RARB: variants seen among roughly 807,000 people sequenced by gnomAD.
RARB encodes retinoic acid receptor beta.
RARB carries 17 observed loss-of-function variants against 51.9 expected under a neutral mutation model. That is an observed-to-expected ratio of 0.33 (90% CI 0.22 to 0.49). The LOEUF is 0.49. RARB is among the 20% of genes least tolerant of loss of function. RARB has a pLI of 0.99. For missense variants in RARB, 369 were observed against 550.8 expected (o/e 0.67, Z 3.30); for synonymous variants, 215 against 195.4 (o/e 1.10, Z -0.84).
chr3:25,040,256 A>C (rs887195035), intron 2 of RARB, among the ~76,000 whole-genome samples: 8 of 152,348 alleles, frequency 5.3e-5, no homozygotes, highest in East Asian at 1.9e-4. Context: ...TCAGTTTTGC[A>C]CTTGGCCTTT....
chr3:25,139,437 A>G (rs888312110), intron 4 of RARB, among the ~76,000 whole-genome samples: 2 of 152,218 alleles, frequency 1.3e-5, no homozygotes, highest in African/African-American at 2.4e-5. Context: ...TGGTGTGGAT[A>G]GAAGATCAAA....
intron 2 of RARB, among the ~76,000 whole-genome samples, chr3:24,977,278 T>C (rs748126105): frequency 2.0e-5 from 3 of 152,210 alleles, no homozygotes; most frequent in Admixed American, 6.5e-5. Flanking sequence ...TTTAAAGTAG[T>C]TTTTTCCAAT....
At chr3:25,256,274 A>G (rs913662432) in intron 5 of RARB, among the ~76,000 whole-genome samples, 57 of 152,164 alleles carry the variant, frequency 3.7e-4, no homozygotes, top group African/African-American at 1.4e-3. Flanking sequence ...TTTAATCTCC[A>G]TCAGAGAAAG....
At chr3:25,154,958 A>G (rs1478395541) in intron 4 of RARB, among the ~76,000 whole-genome samples, 1 of 152,214 alleles carries the variant, frequency 6.6e-6, no homozygotes, top group South Asian at 2.1e-4. Context: ...GTATTCCAAC[A>G]TCCAATGTAG....
upstream of RARB, among the ~76,000 whole-genome samples, chr3:25,427,905 C>A (rs1708041804): frequency 6.6e-6 from 1 of 152,054 alleles, no homozygotes; most frequent in Non-Finnish European, 1.5e-5. Context: ...GGCGAGCGGG[C>A]GCAGGCGGAA....
chr3:25,590,508 T>C (rs1245852327), intron 5 of RARB, among the ~76,000 whole-genome samples: 1 of 152,178 alleles, frequency 6.6e-6, no homozygotes, highest in Non-Finnish European at 1.5e-5. Context: ...ATATTGAGCA[T>C]ACTAACTTTG....
Position 25,498,046 on chromosome 3 carries a change from C to T in RARB, c.307-3136C>T, listed in dbSNP as rs561284804. Among the ~76,000 whole-genome samples, 7 of 152,262 alleles carry T rather than the reference C, an allele frequency of 4.6e-5. No homozygotes were observed. In the South Asian group the frequency reaches 1.0e-3, roughly 23 times the overall value. On this transcript the variant is annotated intron_variant, in intron 2 of 7. Transcript: ENST00000330688. ...GCTGGGGCTCCTGGCCTGCAGCAGA[C>T]ACAGTGTCCAGTATGAGTGAAATGA...
At position 25,081,586 on chromosome 3, in the gene RARB, C is replaced by CAT. The variant is rs1161956011; in HGVS notation, c.-328+21445_-328+21446dup. Among the ~76,000 whole-genome samples, 187 of 19,620 alleles carry CAT rather than the reference C, an allele frequency of 9.5e-3. 9 individuals are homozygous for CAT. Among genetic ancestry groups the CAT allele is most frequent in the Middle Eastern group, 0.056 (1 of 18 alleles). 12.9% of individuals were successfully genotyped at this position (19,620 alleles called of 152,430 possible). On this transcript the variant is annotated intron_variant, in intron 3 of 11. Coordinates refer to the RARB transcript ENST00000383772. ...CTTTTGCTAGTGTTTGCTTCATATA[C>CAT]ATATATATATATATATATATATATA...
At chr3:25,526,588 A>G (rs1411613392) in intron 3 of RARB, among the ~76,000 whole-genome samples, 1 of 152,218 alleles carries the variant, frequency 6.6e-6, no homozygotes, top group Admixed American at 6.5e-5. Context: ...ATGGATTTTG[A>G]TAAATAAATT....
intron 3 of RARB, among the ~76,000 whole-genome samples, chr3:25,517,160 G>T (rs1420672126): frequency 1.3e-5 from 2 of 152,078 alleles, no homozygotes; most frequent in Non-Finnish European, 2.9e-5. Context: ...AAACTAATGG[G>T]GTTGGTTATC....
rs116295372 is a variant in RARB at position 24,872,689 on chromosome 3, C to A, written c.-380+13937C>A. Among the ~76,000 whole-genome samples the A allele has an allele frequency of 2.3e-3, 353 of 152,200 alleles. 1 individual carries two copies. The highest frequency in any genetic ancestry group is 8.0e-3 in the African/African-American group (334 of 41,522). Reference sequence around the variant, plus strand: ...CTTCCTCATTACCACAGGGAGGGCACCAAGCCATTCATGAGGGGTCCGCTC... The same window carrying A: ...CTTCCTCATTACCACAGGGAGGGCAACAAGCCATTCATGAGGGGTCCGCTC... On this transcript the variant is annotated intron_variant, in intron 2 of 11. Coordinates refer to the RARB transcript ENST00000383772.
intron 5 of RARB, among the ~76,000 whole-genome samples, chr3:25,276,724 T>C (rs1703390345): frequency 6.6e-6 from 1 of 152,156 alleles, no homozygotes; most frequent in Non-Finnish European, 1.5e-5. Context: ...CAACTTGTAT[T>C]CCATTTGCAA....
chr3:25,374,788 G>T (rs986363837), intron 5 of RARB, among the ~76,000 whole-genome samples: 1 of 152,150 alleles, frequency 6.6e-6, no homozygotes, highest in African/African-American at 2.4e-5. Flanking sequence ...CTTCTTTTCA[G>T]AATGTACAAG....
intron 5 of RARB, among the ~76,000 whole-genome samples, chr3:25,352,005 A>G (rs1575334020): frequency 1.3e-5 from 2 of 152,342 alleles, no homozygotes; most frequent in South Asian, 4.1e-4. Context: ...ATAAGAAACA[A>G]CAGTGTCCTG....
At chr3:25,092,108 T>G (rs1559463226) in intron 3 of RARB, among the ~76,000 whole-genome samples, 2 of 152,156 alleles carry the variant, frequency 1.3e-5, no homozygotes. Flanking sequence ...CAGAAACAAG[T>G]GCTTTTACAG....
At chr3:25,364,950 A>T (rs566558145) in intron 5 of RARB, among the ~76,000 whole-genome samples, 3 of 152,182 alleles carry the variant, frequency 2.0e-5, no homozygotes, top group South Asian at 2.1e-4. Flanking sequence ...GACATATCTC[A>T]GTTGTATCAT....
chr3:24,830,396 T>A (rs1323620790), intron 1 of RARB, among the ~76,000 whole-genome samples: 6 of 135,866 alleles, frequency 4.4e-5, no homozygotes, highest in African/African-American at 8.0e-5. Flanking sequence ...GAGCTGGCGT[T>A]GAAAGTGAAC....
intron 5 of RARB, among the ~76,000 whole-genome samples, chr3:25,415,578 G>A (rs184323457): frequency 6.6e-6 from 1 of 152,240 alleles, no homozygotes; most frequent in East Asian, 1.9e-4. Flanking sequence ...TGGTCTTAAT[G>A]TAGGTTGGAC....
intron 3 of RARB, among the ~76,000 whole-genome samples, chr3:25,086,169 A>G (rs1402908871): frequency 1.3e-5 from 2 of 152,144 alleles, no homozygotes; most frequent in African/African-American, 2.4e-5. Flanking sequence ...ATCCACTCAT[A>G]TTCTGGTTAT....
Sources: allele counts gnomAD v4.1 joint callset (sites outside exome capture counted in the v4.1 genomes callset), GRCh38; gene constraint gnomAD v4.1.1; transcripts MANE v1.5; gene names NCBI Gene and HGNC (gene_info 2026-07-23, HGNC 2026-07-21).